Variants in EPHA8 observed in about 807,000 individuals in gnomAD.
EPHA8 encodes ephrin type-A receptor 8.
Under a neutral mutation model 103.6 loss-of-function variants are expected in EPHA8, and 58 were observed. The ratio of observed to expected loss-of-function variants is 0.56; its 90% confidence interval spans 0.45 to 0.70. The LOEUF is 0.70. EPHA8 is among the 30% of genes least tolerant of loss of function. The pLI, the probability that EPHA8 is intolerant of heterozygous loss-of-function variation, is 0.00. For synonymous variants in EPHA8, 559 were observed against 572.5 expected, an observed-to-expected ratio of 0.98 and a Z score of 0.34; for missense variants, 1,304 against 1,395.2, an observed-to-expected ratio of 0.93 and a Z score of 1.04.
Position 22,589,176 on chromosome 1 carries a change from G to C in EPHA8, c.1285G>C (p.Ala429Pro). The change falls in exon 5 of 17, where the codon GCT becomes CCT. Residue 429 changes from alanine to proline, a missense_variant. Ala to Pro is a conservative substitution (Grantham distance 27, BLOSUM62 -1). Coordinates refer to ENST00000166244, the MANE Select transcript of EPHA8 (RefSeq NM_020526.5). This position sits in a 1 kb window ranked among gnomAD's most constrained non-coding sequence, Gnocchi z 4.3. ...SDLSPEPRRAAVVNITTNQAA... is the reference protein window; with the variant it reads ...SDLSPEPRRAPVVNITTNQAA... ...CCTGAGCCCCGAGCCCCGCCGGGCC[G>C]CTGTGGTCAACATCACCACGAACCA... 1 of 1,613,848 alleles carries C rather than the reference G, an allele frequency of 6.2e-7. No individual in the cohort carries two copies. The highest frequency in any genetic ancestry group is 8.5e-7 in the Non-Finnish European group (1 of 1,179,928).
Position 22,601,622 on chromosome 1 carries a change from C to G in EPHA8, c.2904-5C>G, listed in dbSNP as rs373967266. The G allele has an allele frequency of 1.1e-4, 176 of 1,588,804 alleles. No individual in the cohort carries two copies. Among genetic ancestry groups the G allele is most frequent in the Non-Finnish European group, 1.4e-4 (168 of 1,167,888 alleles). On this transcript the variant is annotated splice_polypyrimidine_tract_variant and splice_region_variant and intron_variant, in intron 16 of 16. Coordinates refer to ENST00000166244, the MANE Select transcript of EPHA8 (RefSeq NM_020526.5). ...CAGCTGGCCAGCAGCACCCTTCCTT[C>G]ACAGGGACGTGCGCGCCCTGGGCAT...
chr1:22,600,955 G>A lies in EPHA8; in HGVS notation c.2596G>A (p.Ala866Thr), dbSNP rs766004176. Residue 866 changes from alanine to threonine, a missense_variant, in exon 15 of 17, where the codon GCC becomes ACC. By Grantham distance (58) the Ala-to-Thr change is moderately conservative (BLOSUM62 0). Transcript: ENST00000166244. ...GCCCGCACCCATGGGCTGCCCCCACGCCCTGCACCAGCTCATGCTCGACTG... is the reference window on the plus strand; with the variant it reads ...GCCCGCACCCATGGGCTGCCCCCACACCCTGCACCAGCTCATGCTCGACTG... Reference protein sequence around the residue: ...RLPAPMGCPHALHQLMLDCWH... With the variant: ...RLPAPMGCPHTLHQLMLDCWH... The A allele has an allele frequency of 3.2e-5, 52 of 1,612,726 alleles. No individual in the cohort carries two copies. Among genetic ancestry groups the A allele is most frequent in the East Asian group, 1.3e-4 (6 of 44,874 alleles).
Position 22,569,929 on chromosome 1 carries a change from A to C in EPHA8, c.159+576A>C, listed in dbSNP as rs1640477861. On this transcript the variant is annotated intron_variant, in intron 2 of 16. Coordinates refer to ENST00000166244, the MANE Select transcript of EPHA8 (RefSeq NM_020526.5). This position sits in a 1 kb window ranked among gnomAD's most constrained non-coding sequence, Gnocchi z 4.5. ...TCTCTGAATCCTGCGGGGGCAGGGC[A>C]GTAGAGTAGGAGTGAGCCCGCGAGC... is the stretch of plus-strand genomic sequence containing the variant. Among the ~76,000 whole-genome samples, 1 of 152,134 alleles carries C rather than the reference A, an allele frequency of 6.6e-6. No homozygotes were observed. The highest frequency in any genetic ancestry group is 6.5e-5 in the Admixed American group (1 of 15,282).
chr1:22,577,008 A>T, intron 3 of EPHA8, 128 bp downstream of exon 3: 4 of 1,112,916 alleles, frequency 3.6e-6, no homozygotes, highest in Non-Finnish European at 5.0e-6. Flanking sequence ...CCCTGGGAAG[A>T]TGGATAAACC....
chr1:22,597,835 T>C lies in EPHA8; in HGVS notation c.2090T>C (p.Ile697Thr). ...IMGQFDHPNI[I>T]RLEGVVTRGR... ...GGGCAATTCGACCATCCCAACATCA[T>C]CCGCCTCGAGGGTGTCGTCACCCGT... The change falls in exon 11 of 17, where the codon ATC (isoleucine) becomes ACC (threonine). Residue 697 changes from isoleucine to threonine, a missense_variant. Ile to Thr is a moderately conservative substitution (Grantham distance 89). Transcript: ENST00000166244. This position sits in a 1 kb window ranked among gnomAD's most constrained non-coding sequence, Gnocchi z 4.6. The C allele has an allele frequency of 6.2e-7, 1 of 1,611,704 alleles. No individual in the cohort carries two copies. Among genetic ancestry groups the C allele is most frequent in the East Asian group, 2.2e-5 (1 of 44,856 alleles).
At position 22,576,702 on chromosome 1, in the gene EPHA8, G is replaced by C; in HGVS notation, c.645G>C (p.Ser215=). 1 of 1,613,896 alleles carries C rather than the reference G, an allele frequency of 6.2e-7. No individual in the cohort carries two copies. The highest frequency in any genetic ancestry group is 8.5e-7 in the Non-Finnish European group (1 of 1,180,044). ...PAMVRNLAAF[S]EAVTGADSSS... is the part of the protein sequence containing the mutation. ...TGGTGCGCAATCTGGCTGCCTTCTC[G>C]GAGGCAGTGACGGGGGCCGACTCGT... Residue 215 remains serine (S), a synonymous_variant, in exon 3 of 17, where the codon TCG becomes TCC. Transcript: ENST00000166244. The surrounding 1 kb of genome is among the most constrained non-coding windows in gnomAD (Gnocchi z 4.8).
intron 13 of EPHA8, among the ~76,000 whole-genome samples, chr1:22,600,284 G>A (rs1020256223): frequency 4.8e-4 from 71 of 147,752 alleles, no homozygotes; most frequent in African/African-American, 1.8e-3. Flanking sequence ...AGGAAGGGAT[G>A]AGGAAAGGAA....
rs563025239 is a variant in EPHA8 at position 22,593,549 on chromosome 1, C to G, written c.1466C>G (p.Thr489Ser). 3.0e-5 allele frequency: 48 copies of G among 1,612,516 alleles called. No individual in the cohort carries two copies. In the South Asian group the frequency reaches 4.5e-4, roughly 15 times the overall value. The change falls in exon 7 of 17, where the codon ACC becomes AGC. Residue 489 changes from threonine to serine, a missense_variant. Thr to Ser is a moderately conservative substitution (Grantham distance 58). Transcript: ENST00000166244. ...GACAAGGAGATGCAGAGCTACTCCA[C>G]CCTCAAGGCCGTCACCACCAGAGCC... ...EKDKEMQSYS[T>S]LKAVTTRATV...
chr1:22,571,228 G>A (rs534373113), intron 2 of EPHA8, among the ~76,000 whole-genome samples: 6 of 152,328 alleles, frequency 3.9e-5, no homozygotes, highest in South Asian at 2.1e-4. Context: ...ATAGCTCAGC[G>A]TTCTAGCATT....
rs1641745954 is a variant in EPHA8, at chr1:22,601,828, G to C, written c.*87G>C. The stretch of plus-strand genomic sequence containing the variant: ...GACGTGAGGGGCTGGCAGCAGGCAG[G>C]GCGGCCCCAGGCCTCTGCCCTCCTC... On this transcript the variant is annotated 3_prime_UTR_variant, in exon 17 of 17. Transcript: ENST00000166244. 6.3e-6 allele frequency: 8 copies of C among 1,262,664 alleles called. No individual in the cohort carries two copies. The South Asian group carries it at 9.0e-5, about 14-fold the overall frequency. 78.2% of individuals were successfully genotyped at this position (1,262,664 alleles called of 1,614,324 possible). A position where few individuals can be genotyped will look rare whatever the true frequency, so the allele number is the denominator to read the frequency against.
At position 22,589,125 on chromosome 1, in the gene EPHA8, A is replaced by T. The variant is rs1391885924; in HGVS notation, c.1234A>T (p.Ile412Phe). The change falls in exon 5 of 17, where the codon ATC becomes TTC. Residue 412 changes from isoleucine (I) to phenylalanine (F), a missense_variant. Transcript: ENST00000166244. This position sits in a 1 kb window ranked among gnomAD's most constrained non-coding sequence, Gnocchi z 4.3. ...GGCCCACATGAACTACTCCTTCTGG[A>T]TCGAGGCCGTCAATGGCGTGTCCGA... ...LLAHMNYSFWIEAVNGVSDLS... is the reference protein window; with the variant it reads ...LLAHMNYSFWFEAVNGVSDLS... The T allele has an allele frequency of 1.2e-6, 2 of 1,613,692 alleles. No homozygotes were observed. The highest frequency in any genetic ancestry group is 2.2e-5 in the South Asian group (2 of 91,068).
At chr1:22,570,802 G>A (rs1055971294) in intron 2 of EPHA8, among the ~76,000 whole-genome samples, 1 of 152,246 alleles carries the variant, frequency 6.6e-6, no homozygotes, top group East Asian at 1.9e-4. Flanking sequence ...GCCTGAGCGC[G>A]GACGCCAGGT....
chr1:22,600,699 C>T lies in EPHA8; in HGVS notation c.2427C>T (p.Ala809=), dbSNP rs774487655. 6.2e-6 allele frequency: 10 copies of T among 1,613,540 alleles called. No individual in the cohort carries two copies. Among genetic ancestry groups the T allele is most frequent in the African/African-American group, 1.3e-5 (1 of 74,928 alleles). The change falls in exon 14 of 17, where the codon GCC becomes GCT. Residue 809 remains alanine (A), a synonymous_variant. Transcript: ENST00000166244. Reference sequence around the variant, plus strand: ...CCATCCGCTGGACGGCCCCAGAGGCCATCGCCTTCCGCACCTTCTCCTCGG... The same window carrying T: ...CCATCCGCTGGACGGCCCCAGAGGCTATCGCCTTCCGCACCTTCTCCTCGG... The part of the protein sequence containing the change: ...KIPIRWTAPE[A]IAFRTFSSAS...
At chr1:22,586,805 A>G (rs548354661) in intron 4 of EPHA8, among the ~76,000 whole-genome samples, 170 bp downstream of exon 4, 185 of 151,610 alleles carry the variant, frequency 1.2e-3, no homozygotes, top group African/African-American at 4.0e-3. Flanking sequence ...TGATCCCTCC[A>G]CGGTGGCCTA....
intron 2 of EPHA8, among the ~76,000 whole-genome samples, chr1:22,572,211 CA>C (rs1180567042): frequency 1.3e-5 from 2 of 152,216 alleles, no homozygotes; most frequent in Non-Finnish European, 2.9e-5. Context: ...GATTATCAGA[CA>C]GGTGCAGAGC....
At position 22,593,646 on chromosome 1, in the gene EPHA8, C is replaced by T; in HGVS notation, c.1563C>T (p.Gly521=). The change falls in exon 7 of 17, where the codon GGC becomes GGT. Residue 521 remains glycine, a synonymous_variant. Coordinates refer to ENST00000166244, the MANE Select transcript of EPHA8 (RefSeq NM_020526.5). ...GAGCCCGCACCTCAGCAGGCTGTGG[C>T]CGCTTCAGCCAGGCCATGGAGGTGG... ...QVRARTSAGC[G]RFSQAMEVET... 2 of 1,605,674 alleles carry T rather than the reference C, an allele frequency of 1.2e-6. No individual in the cohort carries two copies. Among genetic ancestry groups the T allele is most frequent in the South Asian group, 1.1e-5 (1 of 89,792 alleles).
intron 5 of EPHA8, among the ~76,000 whole-genome samples, chr1:22,590,757 A>G (rs1641350546): frequency 6.6e-6 from 1 of 151,728 alleles, no homozygotes; most frequent in African/African-American, 2.4e-5. Context: ...TTTGAATTCC[A>G]CCTTTGTGCT....
In EPHA8 at chr1:22,589,842, A is replaced by G. The variant is rs1242711498; in HGVS notation, c.1315+636A>G. On this transcript the variant is annotated intron_variant, in intron 5 of 16. Transcript: ENST00000166244. The surrounding 1 kb of genome is among the most constrained non-coding windows in gnomAD (Gnocchi z 4.3). ...CTAGGGCAGCTTCCTATTAACAGCCACCCTCACCTGTGCCCAAGACCCTCA... is the reference window on the plus strand; with the variant it reads ...CTAGGGCAGCTTCCTATTAACAGCCGCCCTCACCTGTGCCCAAGACCCTCA... Among the ~76,000 whole-genome samples, 2 of 151,908 alleles carry G rather than the reference A, an allele frequency of 1.3e-5. No homozygotes were observed. The highest frequency in any genetic ancestry group is 4.8e-5 in the African/African-American group (2 of 41,344).
At chr1:22,577,648 G>C (rs752462418) in intron 3 of EPHA8, among the ~76,000 whole-genome samples, 2 of 152,126 alleles carry the variant, frequency 1.3e-5, no homozygotes, top group African/African-American at 4.8e-5. Flanking sequence ...ACAGTGAGAA[G>C]AGAGCCCCTG....
Sources: gnomAD v4.1 joint callset for allele counts (sites outside exome capture counted in the v4.1 genomes callset) on GRCh38, gnomAD v4.1.1 for gene constraint, Gnocchi (gnomAD v3.1) non-coding constraint, MANE v1.5 for transcripts, NCBI Gene and HGNC (gene_info 2026-07-23, HGNC 2026-07-21) for gene names.